RRAGC: variants seen among roughly 807,000 people sequenced by gnomAD.
RRAGC encodes Ras related GTP binding C, also known as ras-related GTP-binding protein C.
In RRAGC, 8 loss-of-function variants were observed where a neutral mutation model predicts 37.1. The ratio of observed to expected loss-of-function variants is 0.22; its 90% CI spans 0.13 to 0.39. The LOEUF is 0.39. RRAGC is among the 10% of genes least tolerant of loss of function. RRAGC has a pLI of 1.00. For missense variants in RRAGC, 342 were observed against 497.6 expected, an observed-to-expected ratio of 0.69 and a Z score of 2.98; for synonymous variants, 190 against 181.1, an observed-to-expected ratio of 1.05 and a Z score of -0.39.
rs1257907655 is a variant in RRAGC, at chr1:38,852,455, T to C, written c.675A>G (p.Ile225Met). The change falls in exon 4 of 7, where the codon ATA (isoleucine) becomes ATG (methionine). Residue 225 changes from isoleucine to methionine, a missense_variant. Around this residue, in one of 3 missense-constraint regions of RRAGC, gnomAD observed 134 missense variants for 277.2 expected, o/e 0.48. Transcript: ENST00000373001. ...GCACCACCTTACTAAAGGCTTCAAA[T>C]ATTGAATGGTCATAGATACTAGTCA... ...FYLTSIYDHSIFEAFSKVVQK... is the reference protein window; with the variant it reads ...FYLTSIYDHSMFEAFSKVVQK... 1 of 1,606,014 alleles carries C rather than the reference T, an allele frequency of 6.2e-7. No individual in the cohort carries two copies. The highest frequency in any genetic ancestry group is 1.1e-5 in the South Asian group (1 of 90,708).
intron 6 of RRAGC, among the ~76,000 whole-genome samples, chr1:38,844,166 C>T (rs559023152): frequency 2.0e-5 from 3 of 152,142 alleles, no homozygotes; most frequent in South Asian, 2.1e-4. Flanking sequence ...AGGAGAAACT[C>T]GCGTAACTAG....
chr1:38,853,444 G>C (rs1642126475), intron 3 of RRAGC, among the ~76,000 whole-genome samples: 2 of 152,118 alleles, frequency 1.3e-5, no homozygotes, highest in Non-Finnish European at 2.9e-5. Context: ...GAACTTTATA[G>C]GTAATTTAAA....
chr1:38,859,250 G>A (rs1332347681), intron 1 of RRAGC, among the ~76,000 whole-genome samples, 160 bp downstream of exon 1: 3 of 152,262 alleles, frequency 2.0e-5, no homozygotes, highest in African/African-American at 7.2e-5. Context: ...AGAGGTCGGG[G>A]TCCCCGCGCG....
At chr1:38,848,939 C>T (rs2124222932) in intron 5 of RRAGC, among the ~76,000 whole-genome samples, 1 of 152,072 alleles carries the variant, frequency 6.6e-6, no homozygotes, top group South Asian at 2.1e-4. Context: ...CAAGACCAGC[C>T]TAGGCAACAT....
chr1:38,852,303 T>G, intron 4 of RRAGC, 71 bp downstream of exon 4: 1 of 904,016 alleles, frequency 1.1e-6, no homozygotes, highest in South Asian at 1.4e-5. Context: ...TTGGAAAATT[T>G]GAAAACACAA....
chr1:38,846,738 AAG>A (rs1325781486), intron 5 of RRAGC: 5 of 152,206 alleles, frequency 3.3e-5, no homozygotes, highest in Non-Finnish European at 5.9e-5. Flanking sequence ...GTTACGAATT[AAG>A]AGTTATTAAA....
intron 1 of RRAGC, 24 bp from the exon 2 acceptor site, chr1:38,857,106 TTA>T: frequency 6.7e-7 from 1 of 1,502,752 alleles, no homozygotes; most frequent in Non-Finnish European, 9.3e-7. Context: ...ACAGGCAATT[TTA>T]TGACTATTAA....
intron 6 of RRAGC, among the ~76,000 whole-genome samples, chr1:38,840,386 C>A (rs576858652): frequency 6.6e-6 from 1 of 152,250 alleles, no homozygotes; most frequent in East Asian, 1.9e-4. Context: ...TGATGAAAGT[C>A]AGTAAATACT....
In RRAGC at chr1:38,859,467, G is replaced by C; in HGVS notation, c.180C>G (p.Ser60=). 6.5e-7 allele frequency: 1 copy of C among 1,548,132 alleles called. No individual in the cohort carries two copies. The highest frequency in any genetic ancestry group is 8.7e-7 in the Non-Finnish European group (1 of 1,146,660). Reference sequence around the variant, plus strand: ...GTCCCATGAGCAGAATCCTCGGCTTGGAGCTGTCAGCGCCCCCCGGACCAC... The same window carrying C: ...GTCCCATGAGCAGAATCCTCGGCTTCGAGCTGTCAGCGCCCCCCGGACCAC... ...GGCGPGGADS[S]KPRILLMGLR... Residue 60 remains serine, a synonymous_variant, in exon 1 of 7, where the codon TCC becomes TCG. Coordinates refer to ENST00000373001, the MANE Select transcript of RRAGC (RefSeq NM_022157.4).
chr1:38,849,410 TG>T (rs1642068405), intron 5 of RRAGC, among the ~76,000 whole-genome samples: 1 of 152,120 alleles, frequency 6.6e-6, no homozygotes, highest in South Asian at 2.1e-4. Flanking sequence ...ATGTATTGGC[TG>T]GGAGTGGTAG....
chr1:38,846,379 ACAT>A (rs1388864179), intron 5 of RRAGC: 1 of 260,180 alleles, frequency 3.8e-6, no homozygotes, highest in Non-Finnish European at 7.2e-6. Flanking sequence ...AACGTTACCA[ACAT>A]CTCACCAGGT....
intron 5 of RRAGC, among the ~76,000 whole-genome samples, chr1:38,849,102 AAAAAAAAAAAG>A (rs1253543543): frequency 5.4e-5 from 8 of 149,176 alleles, no homozygotes; most frequent in Non-Finnish European, 7.5e-5. Flanking sequence ...CCATGTCTCA[AAAAAAAAAAAG>A]AAAAAAAAAA....
At chr1:38,843,856 C>T (rs528601373) in intron 6 of RRAGC, among the ~76,000 whole-genome samples, 2 of 152,126 alleles carry the variant, frequency 1.3e-5, no homozygotes, top group African/African-American at 2.4e-5. Context: ...AAAGATGACA[C>T]ATACTACACC....
At chr1:38,854,157 T>C (rs1642138767) in intron 3 of RRAGC, among the ~76,000 whole-genome samples, 1 of 139,882 alleles carries the variant, frequency 7.1e-6, no homozygotes, top group African/African-American at 2.7e-5. Context: ...AACCTCCACC[T>C]CCTGGGTTCA....
Position 38,839,559 on chromosome 1 carries a change from G to A in RRAGC, c.1194C>T (p.Ala398=). 6.2e-7 allele frequency: 1 copy of A among 1,614,004 alleles called. No individual in the cohort carries two copies. The highest frequency in any genetic ancestry group is 1.1e-5 in the South Asian group (1 of 91,066). ...CCCGACGCTGGGATTCAGACTAGAT[G>A]GCGTTTCGTGGCGTGCCATTGTGTG... The part of the protein sequence containing the change: ...ALTHNGTPRN[A]I Residue 398 remains alanine (A), a synonymous_variant, in exon 7 of 7, where the codon GCC becomes GCT. Transcript: ENST00000373001.
Position 38,839,684 on chromosome 1 carries a change from G to A in RRAGC, c.1069C>T (p.His357Tyr). The change falls in exon 7 of 7, where the codon CAC (histidine) becomes TAC (tyrosine). Residue 357 changes from histidine (H) to tyrosine (Y), a missense_variant. Coordinates refer to ENST00000373001, the MANE Select transcript of RRAGC (RefSeq NM_022157.4). ...TCATGAATAGCTTTTCGGAAACAGT[G>A]GAAGTTGTAGTCTATTAAACCTGCA... Reference protein sequence around the residue: ...ERKGLIDYNFHCFRKAIHEVF... With the variant: ...ERKGLIDYNFYCFRKAIHEVF... The A allele has an allele frequency of 1.9e-6, 3 of 1,614,116 alleles. No homozygotes were observed. Among genetic ancestry groups the A allele is most frequent in the South Asian group, 1.1e-5 (1 of 91,086 alleles).
At chr1:38,855,653 G>A (rs1642158952) in intron 3 of RRAGC, 55 bp downstream of exon 3, 1 of 1,335,322 alleles carries the variant, frequency 7.5e-7, no homozygotes, top group Admixed American at 1.7e-5. Context: ...TGACAGAGAT[G>A]GGAATACATT....
At chr1:38,845,474 C>G (rs1642016796) in intron 6 of RRAGC, among the ~76,000 whole-genome samples, 1 of 151,992 alleles carries the variant, frequency 6.6e-6, no homozygotes, top group South Asian at 2.1e-4. Context: ...CAGGGCCTGT[C>G]AGGGGTGGGT....
intron 6 of RRAGC, 108 bp from the exon 7 acceptor site, chr1:38,839,812 T>G: frequency 8.9e-7 from 1 of 1,120,628 alleles, no homozygotes; most frequent in South Asian, 1.5e-5. Context: ...TGGAAATTCT[T>G]AAGCCTCCAA....
Sources: gnomAD v4.1 joint callset for allele counts (sites outside exome capture counted in the v4.1 genomes callset) on GRCh38, gnomAD v4.1.1 for gene constraint, gnomAD v4.1.1 regional missense constraint, MANE v1.5 for transcripts, NCBI Gene and HGNC (gene_info 2026-07-23, HGNC 2026-07-21) for gene names.